The following SLC15A1 variants were observed in gnomAD, a reference collection of about 807,000 sequenced individuals.
SLC15A1 encodes Caco-2 oligopeptide transporter.
Under a neutral mutation model 92.9 loss-of-function variants are expected in SLC15A1, and 83 were observed. That is an observed-to-expected ratio of 0.89 (90% CI 0.75 to 1.07). SLC15A1 has a LOEUF of 1.07. Among genes scored for constraint, SLC15A1 ranks in the 50% least tolerant of loss-of-function variants. The pLI is 0.00. For synonymous variants in SLC15A1, 322 were observed against 318.2 expected (o/e 1.01, Z -0.13); for missense variants, 857 against 880.1 (o/e 0.97, Z 0.33).
intron 10 of SLC15A1, 35 bp downstream of exon 10, chr13:98,712,463 G>C (rs1297692741): frequency 1.3e-6 from 2 of 1,482,620 alleles, no homozygotes; most frequent in Non-Finnish European, 1.9e-6. Context: ...CTTCCTGGGG[G>C]AATCAGGGTC....
chr13:98,742,455 C>T (rs536044683), intron 1 of SLC15A1, among the ~76,000 whole-genome samples: 1 of 152,322 alleles, frequency 6.6e-6, no homozygotes, highest in South Asian at 2.1e-4. Context: ...TCCATGGCTC[C>T]AGCCTGGGGA....
At chr13:98,706,383 C>T (rs1160299968) in intron 15 of SLC15A1, 130 bp from the exon 16 acceptor site, 1 of 973,084 alleles carries the variant, frequency 1.0e-6, no homozygotes, top group Admixed American at 2.6e-5. Flanking sequence ...CAGGTGTCTC[C>T]CACTAAGCTG....
chr13:98,745,658 T>C (rs4772132), intron 1 of SLC15A1, among the ~76,000 whole-genome samples: 103,870 of 151,892 alleles, frequency 0.68, 35,988 homozygotes, highest in Non-Finnish European at 0.76. Context: ...AAGGCCTGGA[T>C]CGGCTTCACC....
In SLC15A1 at chr13:98,684,730, C is replaced by T; in HGVS notation, c.2121G>A (p.Gln707=). The change falls in exon 23 of 23, where the codon CAG becomes CAA. Residue 707 remains glutamine (Q), a synonymous_variant. Coordinates refer to ENST00000376503, the MANE Select transcript of SLC15A1 (RefSeq NM_005073.4). ...TCCACTTGCCTCCTGACCTTCACATCTGTTTCTGTGAATTGGCCCCTGACA... is the reference window on the plus strand; with the variant it reads ...TCCACTTGCCTCCTGACCTTCACATTTGTTTCTGTGAATTGGCCCCTGACA... ...YFMSGANSQK[Q]M is the part of the protein sequence containing the mutation. 1 of 1,613,928 alleles carries T rather than the reference C, an allele frequency of 6.2e-7. No homozygotes were observed. The highest frequency in any genetic ancestry group is 2.2e-5 in the East Asian group (1 of 44,880).
intron 4 of SLC15A1, among the ~76,000 whole-genome samples, chr13:98,724,239 C>T (rs2088281685): frequency 6.6e-6 from 1 of 152,222 alleles, no homozygotes; most frequent in Non-Finnish European, 1.5e-5. Flanking sequence ...CATGGTGGCT[C>T]ATGCCTGTAA....
chr13:98,698,714 G>C (rs9557035), intron 18 of SLC15A1, among the ~76,000 whole-genome samples: 18,965 of 152,138 alleles, frequency 0.12, 1,449 homozygotes, highest in East Asian at 0.39. Flanking sequence ...TGGGATTACA[G>C]GCATGAGCCA....
Position 98,711,962 on chromosome 13 carries a change from A to G in SLC15A1, c.811-19T>C, listed in dbSNP as rs2139582739. On this transcript the variant is annotated intron_variant, in intron 10 of 22. Transcript: ENST00000376503. ...GCCGCTCCTGTAGTTGGAGTGGGGA[A>G]GGGACAAATCAGCCACACCCTGTGT... 6.3e-7 allele frequency: 1 copy of G among 1,588,580 alleles called. No homozygotes were observed. Among genetic ancestry groups the G allele is most frequent in the Non-Finnish European group, 8.6e-7 (1 of 1,158,562 alleles).
intron 15 of SLC15A1, among the ~76,000 whole-genome samples, chr13:98,708,162 G>A (rs1402335124): frequency 6.6e-6 from 1 of 152,026 alleles, no homozygotes; most frequent in Non-Finnish European, 1.5e-5. Flanking sequence ...GTGGGGAATG[G>A]TGGGGAGAGG....
chr13:98,724,959 TG>T (rs937793652), intron 4 of SLC15A1, among the ~76,000 whole-genome samples: 1 of 152,130 alleles, frequency 6.6e-6, no homozygotes, highest in African/African-American at 2.4e-5. Flanking sequence ...GTGTTGGAAG[TG>T]GGGCCTGGTG....
intron 8 of SLC15A1, among the ~76,000 whole-genome samples, chr13:98,717,325 T>C (rs1035609397): frequency 2.6e-5 from 4 of 152,186 alleles, no homozygotes; most frequent in Non-Finnish European, 5.9e-5. Flanking sequence ...GTCCAAGAGA[T>C]TGAGTCTATG....
chr13:98,688,628 C>A, intron 18 of SLC15A1, 51 bp from the exon 19 acceptor site: 1 of 1,374,796 alleles, frequency 7.3e-7, no homozygotes, highest in South Asian at 1.2e-5. Context: ...ATAATATATT[C>A]TAGGTCACAG....
chr13:98,746,240 G>A (rs1438426315), intron 1 of SLC15A1, among the ~76,000 whole-genome samples: 1 of 152,162 alleles, frequency 6.6e-6, no homozygotes, highest in African/African-American at 2.4e-5. Flanking sequence ...ATTCCGTGGT[G>A]TATATGTACC....
At position 98,752,461 on chromosome 13, in the gene SLC15A1, G is replaced by C. The variant is rs1048704282; in HGVS notation, c.4+134C>G. ...ATCCCGGGCGCCCCGCAACCTCCCG[G>C]CCCCCGTGGGCCTTCGGGTCGCCCC... On this transcript the variant is annotated intron_variant, in intron 1 of 22. Transcript: ENST00000376503. 1.4e-5 allele frequency: 12 copies of C among 833,988 alleles called. No individual in the cohort carries two copies. The South Asian group carries it at 2.6e-4, about 18-fold the overall frequency. 51.7% of individuals were successfully genotyped at this position (833,988 alleles called of 1,614,324 possible).
In SLC15A1 at chr13:98,711,838, C is replaced by G; in HGVS notation, c.900+16G>C. 1 of 1,597,998 alleles carries G rather than the reference C, an allele frequency of 6.3e-7. No individual in the cohort carries two copies. The highest frequency in any genetic ancestry group is 8.6e-7 in the Non-Finnish European group (1 of 1,165,416). On this transcript the variant is annotated intron_variant, in intron 11 of 22. Transcript: ENST00000376503. ...CTTGCTCCGTGAAGAAGAGCACAAG[C>G]AGAGTTTCACATTACCTGCTGGTCA...
At chr13:98,732,672 C>G (rs909304729) in intron 1 of SLC15A1, among the ~76,000 whole-genome samples, 28 of 152,156 alleles carry the variant, frequency 1.8e-4, no homozygotes, top group South Asian at 4.1e-4. Context: ...GAGAGTGCAT[C>G]TCTAGGAGTT....
chr13:98,721,624 C>T, intron 6 of SLC15A1, 39 bp from the exon 7 acceptor site: 1 of 1,448,998 alleles, frequency 6.9e-7, no homozygotes, highest in East Asian at 2.3e-5. Flanking sequence ...CTTTGGCTAT[C>T]AATCCACTGA....
At chr13:98,736,206 A>G (rs570241274) in intron 1 of SLC15A1, among the ~76,000 whole-genome samples, 47 of 152,356 alleles carry the variant, frequency 3.1e-4, no homozygotes, top group African/African-American at 1.1e-3. Flanking sequence ...CAATCATCTG[A>G]TCTTTGACAA....
rs776176363 is a variant in SLC15A1, at chr13:98,709,747, T to A, written c.973A>T (p.Met325Leu). Residue 325 changes from methionine to leucine, a missense_variant, in exon 13 of 23, where the codon ATG (methionine) becomes TTG (leucine). Met to Leu is a conservative substitution (Grantham distance 15, BLOSUM62 2). Transcript: ENST00000376503. ...IGALEIQPDQ[M>L]QTVNAILIVI... Reference sequence around the variant, plus strand: ...GCAACTTACATGTCTTCTACCTGCATCTGATCGGGCTGAATTTCAAGAGCT... The same window carrying A: ...GCAACTTACATGTCTTCTACCTGCAACTGATCGGGCTGAATTTCAAGAGCT... The A allele has an allele frequency of 1.2e-6, 2 of 1,614,200 alleles. No individual in the cohort carries two copies. Among genetic ancestry groups the A allele is most frequent in the South Asian group, 2.2e-5 (2 of 91,080 alleles).
chr13:98,692,079 G>GA lies in SLC15A1; in HGVS notation c.1467-3503dup, dbSNP rs1416332600. 3.1e-3 allele frequency among the ~76,000 whole-genome samples: 261 copies of GA among 82,884 alleles called. 2 individuals carry two copies. Among genetic ancestry groups the GA allele is most frequent in the African/African-American group, 9.3e-3 (241 of 25,972 alleles). The allele number at this position is 82,884 out of a possible 152,430, so 54.4% of individuals were successfully genotyped here. On this transcript the variant is annotated intron_variant, in intron 18 of 22. Coordinates refer to ENST00000376503, the MANE Select transcript of SLC15A1 (RefSeq NM_005073.4). ...CAAGAGCGAAACTCCATCTCAAAAAGAAAAAAAAAGAAAATGGAAAGCTCT... is the reference window on the plus strand; with the variant it reads ...CAAGAGCGAAACTCCATCTCAAAAAGAAAAAAAAAAGAAAATGGAAAGCTCT...
Sources: allele counts gnomAD v4.1 joint callset (sites outside exome capture counted in the v4.1 genomes callset), GRCh38; gene constraint gnomAD v4.1.1; transcripts MANE v1.5; gene names NCBI Gene and HGNC (gene_info 2026-07-23, HGNC 2026-07-21).